The following PCSK2 variants were observed in gnomAD, a reference collection of about 807,000 sequenced individuals.
The protein encoded by PCSK2 is neuroendocrine convertase 2.
In PCSK2, 14 loss-of-function variants were observed where a neutral mutation model predicts 69.7. The ratio of observed to expected loss-of-function variants is 0.20; its 90% CI spans 0.13 to 0.31. The LOEUF is 0.31. Among genes scored for constraint, PCSK2 ranks in the 10% least tolerant of loss-of-function variants. PCSK2 has a pLI of 1.00. For synonymous variants in PCSK2, 307 were observed against 320.7 expected (o/e 0.96, Z 0.46); for missense variants, 544 against 842.5 (o/e 0.65, Z 4.39).
rs1441552757 is a variant in PCSK2 at position 17,284,045 on chromosome 20, C to A, written c.282+23701C>A. 2.0e-5 allele frequency among the ~76,000 whole-genome samples: 3 copies of A among 152,172 alleles called. No individual in the cohort carries two copies. The East Asian group carries it at 5.8e-4, about 29-fold the overall frequency. On this transcript the variant is annotated intron_variant, in intron 2 of 11. Transcript: ENST00000262545. ...ATCGTTCACAGGAATCCATGTAGCC[C>A]TGACTTTTGTGGGCATTGTTATATC...
chr20:17,462,120 C>T (rs2033023649), intron 10 of PCSK2, among the ~76,000 whole-genome samples: 1 of 152,066 alleles, frequency 6.6e-6, no homozygotes, highest in Non-Finnish European at 1.5e-5. Flanking sequence ...CCCAGGGGAG[C>T]CCCTGGAAAG....
chr20:17,402,564 G>A (rs1568634577), intron 5 of PCSK2, among the ~76,000 whole-genome samples: 2 of 152,066 alleles, frequency 1.3e-5, no homozygotes, highest in East Asian at 1.9e-4. Context: ...AGGAGGCTGA[G>A]GCAGGAGAAT....
chr20:17,264,133 G>A (rs1403583229), intron 2 of PCSK2, among the ~76,000 whole-genome samples: 1 of 151,986 alleles, frequency 6.6e-6, no homozygotes, highest in Non-Finnish European at 1.5e-5. Flanking sequence ...AACCATACTT[G>A]CACATCTGAA....
rs1243671294 is a variant in PCSK2 at position 17,453,562 on chromosome 20, GA to G, written c.886-171del. Among the ~76,000 whole-genome samples the G allele has an allele frequency of 2.6e-5, 4 of 151,280 alleles. No individual in the cohort carries two copies. The highest frequency in any genetic ancestry group is 1.9e-4 in the East Asian group (1 of 5,156). On this transcript the variant is annotated intron_variant, in intron 8 of 11. Transcript: ENST00000262545. This position sits in a 1 kb window ranked among gnomAD's most constrained non-coding sequence, Gnocchi z 4.0. The stretch of plus-strand genomic sequence containing the variant: ...ACTTTTTTAGATTGAATTCTTCCTG[GA>G]AAAAAAAAGTTTCCCACAATGCCCT...
chr20:17,291,025 T>G (rs574281201), intron 2 of PCSK2, among the ~76,000 whole-genome samples: 69 of 152,200 alleles, frequency 4.5e-4, no homozygotes, highest in African/African-American at 1.6e-3. Flanking sequence ...AGTTCCCACC[T>G]CTTAATATTG....
At chr20:17,292,847 G>C (rs750765638) in intron 2 of PCSK2, among the ~76,000 whole-genome samples, 3 of 151,868 alleles carry the variant, frequency 2.0e-5, no homozygotes, top group Admixed American at 6.6e-5. Flanking sequence ...TTTTGTTTGA[G>C]AGTGTCTAGC....
At chr20:17,357,305 T>G (rs999949225) in intron 2 of PCSK2, among the ~76,000 whole-genome samples, 3 of 152,180 alleles carry the variant, frequency 2.0e-5, no homozygotes, top group Non-Finnish European at 4.4e-5. Flanking sequence ...ATCCATCAAT[T>G]TCTTCTCAGA....
At chr20:17,355,634 C>T (rs1184601970) in intron 2 of PCSK2, among the ~76,000 whole-genome samples, 1 of 132,720 alleles carries the variant, frequency 7.5e-6, no homozygotes, top group Non-Finnish European at 1.6e-5. Flanking sequence ...AATGAATATG[C>T]ACATGTGTGC....
At chr20:17,411,317 C>A (rs1423940050) in intron 6 of PCSK2, among the ~76,000 whole-genome samples, 2 of 152,262 alleles carry the variant, frequency 1.3e-5, no homozygotes, top group Non-Finnish European at 2.9e-5. Context: ...AAATGGGACA[C>A]TTCTGCCCAA....
chr20:17,468,906 C>G (rs570747724), intron 11 of PCSK2, among the ~76,000 whole-genome samples: 1 of 152,374 alleles, frequency 6.6e-6, no homozygotes, highest in African/African-American at 2.4e-5. Flanking sequence ...TAGAAAGTGG[C>G]ACCAAGTGGA....
intron 2 of PCSK2, among the ~76,000 whole-genome samples, chr20:17,344,786 T>C (rs1416668094): frequency 1.3e-5 from 2 of 152,156 alleles, no homozygotes; most frequent in African/African-American, 4.8e-5. Context: ...GAAGGCTCTT[T>C]TCCCAGTGCC....
chr20:17,294,687 G>A (rs1428209091), intron 2 of PCSK2, among the ~76,000 whole-genome samples: 3 of 152,056 alleles, frequency 2.0e-5, no homozygotes, highest in Non-Finnish European at 2.9e-5. Flanking sequence ...TTTCCCCCTT[G>A]TCTAAAAGTT....
intron 2 of PCSK2, among the ~76,000 whole-genome samples, chr20:17,313,549 C>A (rs1218582320): frequency 1.3e-5 from 2 of 152,124 alleles, no homozygotes; most frequent in Non-Finnish European, 2.9e-5. Flanking sequence ...GAAAGGCTGG[C>A]AAACAAGAAA....
chr20:17,327,950 G>T (rs1990110558), intron 2 of PCSK2, among the ~76,000 whole-genome samples: 1 of 152,112 alleles, frequency 6.6e-6, no homozygotes, highest in Non-Finnish European at 1.5e-5. Flanking sequence ...ACACGCACGC[G>T]ATGCCCATGT....
intron 1 of PCSK2, among the ~76,000 whole-genome samples, chr20:17,228,818 A>C (rs910530646): frequency 6.6e-6 from 1 of 152,090 alleles, no homozygotes; most frequent in African/African-American, 2.4e-5. Flanking sequence ...TCTGGCGACG[A>C]GTTTGACAGA....
chr20:17,247,604 G>A (rs190360318), intron 1 of PCSK2, among the ~76,000 whole-genome samples: 64 of 152,326 alleles, frequency 4.2e-4, no homozygotes, highest in Middle Eastern at 3.4e-3. Context: ...GATCCGGGAA[G>A]CCTTAACTGT....
chr20:17,379,637 C>T (rs1310505567), intron 5 of PCSK2, among the ~76,000 whole-genome samples: 2 of 152,176 alleles, frequency 1.3e-5, no homozygotes, highest in Admixed American at 6.5e-5. Flanking sequence ...CCTAAGATTT[C>T]CACCCTCTGC....
chr20:17,321,741 T>C (rs577110854), intron 2 of PCSK2, among the ~76,000 whole-genome samples: 2 of 152,108 alleles, frequency 1.3e-5, no homozygotes, highest in African/African-American at 4.8e-5. Context: ...GTATTACACA[T>C]GAAAAAACCT....
Position 17,227,252 on chromosome 20 carries a change from C to G in PCSK2, c.-54C>G, listed in dbSNP as rs1007004469. The stretch of plus-strand genomic sequence containing the variant: ...TTATTTGCACCCTCCCTCCGAGTCC[C>G]CTGCTCCGCCAGCCTGCGCGCCTCC... On this transcript the variant is annotated 5_prime_UTR_variant, in exon 1 of 12. Transcript: ENST00000262545. 7 of 1,371,560 alleles carry G rather than the reference C, an allele frequency of 5.1e-6. No individual in the cohort carries two copies. Among genetic ancestry groups the G allele is most frequent in the African/African-American group, 4.3e-5 (3 of 69,934 alleles). The allele number at this position is 1,371,560 out of a possible 1,614,324, so 85.0% of individuals were successfully genotyped here.
Sources: allele counts gnomAD v4.1 joint callset (sites outside exome capture counted in the v4.1 genomes callset), GRCh38; gene constraint gnomAD v4.1.1; non-coding constraint Gnocchi (gnomAD v3.1); transcripts MANE v1.5; gene names NCBI Gene and HGNC (gene_info 2026-07-23, HGNC 2026-07-21).